The following ADCY2 variants were observed in gnomAD, a reference collection of about 807,000 sequenced individuals.
ADCY2 encodes the protein adenylate cyclase 2.
In ADCY2, 31 loss-of-function variants were observed where a neutral mutation model predicts 125.2. The observed-to-expected ratio is 0.25, with a 90% CI of 0.19 to 0.33. The LOEUF is 0.33. Among genes scored for constraint, ADCY2 ranks in the 10% least tolerant of loss-of-function variants. ADCY2 has a pLI of 1.00. For synonymous variants in ADCY2, 512 were observed against 548.4 expected, an observed-to-expected ratio of 0.93 and a Z score of 0.93; for missense variants, 904 against 1,418.2, an observed-to-expected ratio of 0.64 and a Z score of 5.82.
intron 4 of ADCY2, among the ~76,000 whole-genome samples, chr5:7,671,990 G>C (rs1387911011): frequency 1.3e-5 from 2 of 152,064 alleles, no homozygotes; most frequent in African/African-American, 2.4e-5. Context: ...TCTGGTTTTG[G>C]TGCAGTGACT....
intron 4 of ADCY2, among the ~76,000 whole-genome samples, chr5:7,678,742 A>T (rs10058817): frequency 0.063 from 9,583 of 152,252 alleles, 994 homozygotes; most frequent in African/African-American, 0.22. Context: ...GACAGCAGTA[A>T]TATACCTCAT....
intron 4 of ADCY2, chr5:7,653,974 A>G: frequency 1.2e-5 from 5 of 418,646 alleles, no homozygotes; most frequent in Non-Finnish European, 1.9e-5. Context: ...GAAATCCCAG[A>G]AGAGCTGTTG....
intron 3 of ADCY2, among the ~76,000 whole-genome samples, chr5:7,580,983 C>T (rs1433023894): frequency 6.6e-6 from 1 of 152,136 alleles, no homozygotes; most frequent in Admixed American, 6.5e-5. Flanking sequence ...AAATATCCTT[C>T]AAGAATTAAG....
chr5:7,684,696 C>T (rs565390637), intron 4 of ADCY2, among the ~76,000 whole-genome samples: 23 of 151,308 alleles, frequency 1.5e-4, no homozygotes, highest in Non-Finnish European at 2.2e-4. Context: ...AGCTGGAAGA[C>T]GAGTTCCATC....
At chr5:7,743,826 T>C (rs1448042117) in intron 15 of ADCY2, 74 bp downstream of exon 15, 7 of 1,460,870 alleles carry the variant, frequency 4.8e-6, no homozygotes, top group South Asian at 1.2e-5. Context: ...CCTAAAACTT[T>C]CCAAAACAAG....
intron 2 of ADCY2, among the ~76,000 whole-genome samples, chr5:7,505,913 A>G (rs562487875): frequency 8.3e-4 from 127 of 152,356 alleles, no homozygotes; most frequent in Non-Finnish European, 1.5e-3. Context: ...ATGAATATTC[A>G]TAAGGACCAA....
At chr5:7,693,413 G>GTTTTTT (rs70940751) in intron 5 of ADCY2, among the ~76,000 whole-genome samples, 130 of 32,392 alleles carry the variant, frequency 4.0e-3, no homozygotes, top group African/African-American at 6.3e-3. Context: ...GCTGTTTTTT[G>GTTTTTT]TTTTTTTTTT....
At position 7,829,284 on chromosome 5, in the gene ADCY2, A is replaced by C. The variant is rs1579489409; in HGVS notation, c.*2413A>C. ...ATTCTGATCCCTGATCAAGCTTCAG[A>C]CCTCCCTCCCTCCCCAGTGTTTTTG... On this transcript the variant is annotated 3_prime_UTR_variant, in exon 25 of 25. Coordinates refer to ENST00000338316, the MANE Select transcript of ADCY2 (RefSeq NM_020546.3). 1.3e-5 allele frequency: 2 copies of C among 152,360 alleles called. No individual in the cohort carries two copies. Among genetic ancestry groups the C allele is most frequent in the Admixed American group, 1.3e-4 (2 of 15,248 alleles). 9.4% of individuals were successfully genotyped at this position (152,360 alleles called of 1,614,324 possible).
intron 2 of ADCY2, among the ~76,000 whole-genome samples, chr5:7,464,903 A>G (rs756541948): frequency 3.9e-5 from 6 of 152,140 alleles, no homozygotes; most frequent in Non-Finnish European, 8.8e-5. Flanking sequence ...CATACCCGAG[A>G]CTGGGTAATT....
intron 3 of ADCY2, among the ~76,000 whole-genome samples, chr5:7,619,774 G>C (rs919489024): frequency 6.6e-6 from 1 of 152,168 alleles, no homozygotes; most frequent in Non-Finnish European, 1.5e-5. Context: ...TTCATGGCTT[G>C]TGTTGTTTTC....
intron 3 of ADCY2, among the ~76,000 whole-genome samples, chr5:7,596,085 C>T (rs1282891291): frequency 6.6e-6 from 1 of 151,988 alleles, no homozygotes; most frequent in Non-Finnish European, 1.5e-5. Context: ...TAAATATATA[C>T]TGAGGAATTT....
At chr5:7,753,090 G>T (rs1436302082) in intron 15 of ADCY2, among the ~76,000 whole-genome samples, 1 of 151,836 alleles carries the variant, frequency 6.6e-6, no homozygotes, top group Non-Finnish European at 1.5e-5. Context: ...GTAGAGACAG[G>T]GTTTCACCAT....
At chr5:7,503,249 A>G in intron 2 of ADCY2, among the ~76,000 whole-genome samples, 1 of 152,124 alleles carries the variant, frequency 6.6e-6, no homozygotes, top group East Asian at 1.9e-4. Flanking sequence ...AGTGCTTTTA[A>G]TTGTTCTTAA....
chr5:7,631,404 T>TAA (rs1416545275), intron 4 of ADCY2, among the ~76,000 whole-genome samples: 12 of 152,142 alleles, frequency 7.9e-5, no homozygotes, highest in African/African-American at 2.9e-4. Flanking sequence ...TTAAACCGAA[T>TAA]AAAGAAACTG....
At chr5:7,630,336 A>G (rs764051334) in intron 4 of ADCY2, among the ~76,000 whole-genome samples, 14 of 152,180 alleles carry the variant, frequency 9.2e-5, no homozygotes, top group Non-Finnish European at 1.8e-4. Context: ...AATGCATTTT[A>G]TGGCTCATTT....
At chr5:7,536,104 T>C (rs948632284) in intron 3 of ADCY2, among the ~76,000 whole-genome samples, 6 of 152,248 alleles carry the variant, frequency 3.9e-5, no homozygotes, top group African/African-American at 1.4e-4. Flanking sequence ...TATAAAACTC[T>C]GATGTAAGGC....
In ADCY2 at chr5:7,603,784, C is replaced by CTTTTTTTTT; in HGVS notation, c.571-22366_571-22358dup. Among the ~76,000 whole-genome samples the CTTTTTTTTT allele has an allele frequency of 6.1e-3, 382 of 62,710 alleles. 4 individuals carry two copies. The highest frequency in any genetic ancestry group is 8.3e-3 in the Admixed American group (34 of 4,102). 41.1% of individuals were successfully genotyped at this position (62,710 alleles called of 152,430 possible). ...AAAATTCTGGGGTAATGCTCTCTTT[C>CTTTTTTTTT]TTTTTTTTTTTTTTTTTTTTTTTTT... On this transcript the variant is annotated intron_variant, in intron 3 of 24. Transcript: ENST00000338316.
chr5:7,728,592 G>C lies in ADCY2; in HGVS notation c.1871+1331G>C, dbSNP rs188287342. ...CTCCTTAGTGTCAGGCCTGTACCAT[G>C]GTACTGGAGAGAAACAGCCATCCCA... On this transcript the variant is annotated intron_variant, in intron 14 of 24. Transcript: ENST00000338316. Among the ~76,000 whole-genome samples the C allele has an allele frequency of 7.9e-5, 12 of 152,262 alleles. No individual in the cohort carries two copies. The East Asian group carries it at 2.1e-3, about 27-fold the overall frequency.
chr5:7,545,525 C>T (rs1345704547), intron 3 of ADCY2, among the ~76,000 whole-genome samples: 1 of 152,128 alleles, frequency 6.6e-6, no homozygotes, highest in Non-Finnish European at 1.5e-5. Flanking sequence ...ATTCTGCTCT[C>T]GACGTGTAGA....
Sources: gnomAD v4.1 joint callset for allele counts (sites outside exome capture counted in the v4.1 genomes callset) on GRCh38, gnomAD v4.1.1 for gene constraint, MANE v1.5 for transcripts, NCBI Gene and HGNC (gene_info 2026-07-23, HGNC 2026-07-21) for gene names.